Variants in CDH4 observed in about 807,000 individuals in gnomAD.
CDH4 encodes the protein cadherin 4.
Under a neutral mutation model 86.0 loss-of-function variants are expected in CDH4, and 33 were observed. The ratio of observed to expected loss-of-function variants is 0.38; its 90% CI spans 0.29 to 0.51. The LOEUF (loss-of-function observed/expected upper bound fraction) is 0.51. Ranked by LOEUF, CDH4 falls within the 20% of genes least tolerant of loss-of-function variation. The pLI is 0.86. For synonymous variants in CDH4, 555 were observed against 549.4 expected (o/e 1.01, Z -0.14); for missense variants, 1,114 against 1,307.4 (o/e 0.85, Z 2.28).
Position 61,554,489 on chromosome 20 carries a change from AG to A in CDH4, c.170-189073del, listed in dbSNP as rs1283226848. Among the ~76,000 whole-genome samples, 5 of 152,206 alleles carry A rather than the reference AG, an allele frequency of 3.3e-5. No homozygotes were observed. The East Asian group carries it at 9.6e-4, about 29-fold the overall frequency. ...CAAAGTCACATGTACATCAGAGTGC[AG>A]TGAGTGCTGGGAGAGCCATAAGGAG... is the stretch of plus-strand genomic sequence containing the variant. On this transcript the variant is annotated intron_variant, in intron 2 of 15. Transcript: ENST00000614565.
rs932278626 is a variant in CDH4 at position 61,863,783 on chromosome 20, C to T, written c.878-9945C>T. ...CCGGAGGTGAAGCGAGGGTGCAGAG[C>T]CATGAGGCTGGGATGGCTGCTCTAG... On this transcript the variant is annotated intron_variant, in intron 6 of 15. Transcript: ENST00000614565. Among the ~76,000 whole-genome samples the T allele has an allele frequency of 3.3e-5, 5 of 152,140 alleles. 1 individual carries two copies. The highest frequency in any genetic ancestry group is 3.3e-4 in the Admixed American group (5 of 15,276).
intron 4 of CDH4, among the ~76,000 whole-genome samples, chr20:61,834,597 C>T (rs182423037): frequency 1.6e-4 from 24 of 152,312 alleles, no homozygotes; most frequent in African/African-American, 4.1e-4. Context: ...GGTTTTCTGA[C>T]GAGACTCCTG....
intron 2 of CDH4, among the ~76,000 whole-genome samples, chr20:61,464,443 C>A (rs1477357060): frequency 2.0e-5 from 3 of 152,164 alleles, no homozygotes; most frequent in Non-Finnish European, 4.4e-5. Context: ...TGAGAAATGA[C>A]AGTCCAATGC....
At chr20:61,472,950 A>C (rs1463952947) in intron 2 of CDH4, among the ~76,000 whole-genome samples, 6 of 152,128 alleles carry the variant, frequency 3.9e-5, no homozygotes, top group Admixed American at 3.9e-4. Flanking sequence ...TTTCAATTAA[A>C]AACTGTTATA....
intron 2 of CDH4, among the ~76,000 whole-genome samples, chr20:61,648,935 A>C (rs2087092995): frequency 6.6e-6 from 1 of 152,096 alleles, no homozygotes; most frequent in Non-Finnish European, 1.5e-5. Flanking sequence ...AGGTGGCCCC[A>C]CCTCGCAGGT....
chr20:61,894,648 G>A (rs866953233), intron 7 of CDH4, among the ~76,000 whole-genome samples: 5 of 152,070 alleles, frequency 3.3e-5, no homozygotes, highest in African/African-American at 1.2e-4. Flanking sequence ...CCCTATCAAC[G>A]GCAGGGCCAC....
intron 2 of CDH4, among the ~76,000 whole-genome samples, chr20:61,669,108 T>C (rs1000019371): frequency 5.3e-5 from 8 of 152,334 alleles, no homozygotes; most frequent in African/African-American, 1.9e-4. Context: ...GGAACCCACG[T>C]TCTCCAGCAG....
intron 9 of CDH4, among the ~76,000 whole-genome samples, chr20:61,915,787 C>T (rs2054897865): frequency 6.6e-6 from 1 of 152,134 alleles, no homozygotes; most frequent in Non-Finnish European, 1.5e-5. Flanking sequence ...GTGGAGGAGA[C>T]GGGACTCTCC....
intron 4 of CDH4, among the ~76,000 whole-genome samples, chr20:61,806,808 C>G (rs933890161): frequency 6.6e-6 from 1 of 152,170 alleles, no homozygotes; most frequent in African/African-American, 2.4e-5. Flanking sequence ...CACATGTGCA[C>G]ACCGTCTCTG....
intron 2 of CDH4, among the ~76,000 whole-genome samples, chr20:61,529,256 T>C (rs530618459): frequency 2.6e-5 from 4 of 152,366 alleles, no homozygotes; most frequent in East Asian, 1.9e-4. Context: ...GTTCCTCATA[T>C]ATTTTATATT....
chr20:61,904,029 G>A (rs1003689606), intron 8 of CDH4, among the ~76,000 whole-genome samples: 5 of 152,224 alleles, frequency 3.3e-5, no homozygotes, highest in Admixed American at 2.0e-4. Context: ...TGCTTTGGAG[G>A]CATCTGAGTG....
intron 2 of CDH4, among the ~76,000 whole-genome samples, chr20:61,702,269 C>T (rs755471576): frequency 2.0e-5 from 3 of 152,158 alleles, no homozygotes; most frequent in Non-Finnish European, 4.4e-5. Flanking sequence ...CACACAAAGA[C>T]GGCAAAATAA....
intron 2 of CDH4, among the ~76,000 whole-genome samples, chr20:61,726,402 C>T (rs1218940183): frequency 1.3e-5 from 2 of 152,038 alleles, no homozygotes; most frequent in East Asian, 1.9e-4. Flanking sequence ...GACTACATTT[C>T]GGAAATCAGG....
intron 2 of CDH4, among the ~76,000 whole-genome samples, chr20:61,315,463 G>A (rs188722920): frequency 1.3e-5 from 2 of 152,278 alleles, no homozygotes; most frequent in East Asian, 3.9e-4. Context: ...ATTTTCAGCT[G>A]TGAAAGCCCA....
intron 2 of CDH4, among the ~76,000 whole-genome samples, chr20:61,549,687 A>T (rs1288187197): frequency 1.3e-5 from 2 of 152,306 alleles, no homozygotes; most frequent in East Asian, 3.9e-4. Flanking sequence ...CCGGGATGTT[A>T]TGTGCACCGC....
chr20:61,524,446 G>A (rs191086168), intron 2 of CDH4, among the ~76,000 whole-genome samples: 117 of 152,146 alleles, frequency 7.7e-4, no homozygotes, highest in Non-Finnish European at 1.5e-3. Flanking sequence ...AGGAGTACTC[G>A]GGACTCTCTG....
At chr20:61,441,628 T>C (rs1478253565) in intron 2 of CDH4, among the ~76,000 whole-genome samples, 5 of 152,170 alleles carry the variant, frequency 3.3e-5, no homozygotes, top group African/African-American at 1.2e-4. Context: ...AGAGCCTTTA[T>C]AAAAGGGACT....
chr20:61,579,285 ATTT>A (rs11483950), intron 2 of CDH4, among the ~76,000 whole-genome samples: 1,784 of 129,542 alleles, frequency 0.014, 27 homozygotes, highest in African/African-American at 0.04. Flanking sequence ...CTCGATGGAG[ATTT>A]TTTTTTTTTT....
At position 61,778,641 on chromosome 20, in the gene CDH4, G is replaced by A. The variant is rs556541890; in HGVS notation, c.576+5459G>A. Among the ~76,000 whole-genome samples, 5 of 152,232 alleles carry A rather than the reference G, an allele frequency of 3.3e-5. 1 individual carries two copies. The highest frequency in any genetic ancestry group is 1.2e-4 in the African/African-American group (5 of 41,536). ...ATCAGACCGCAGTCTAAAGTGAGTG[G>A]TGAGTGAGGAGGTGTACCCACACCG... On this transcript the variant is annotated intron_variant, in intron 4 of 15. Transcript: ENST00000614565.
Sources: gnomAD v4.1 joint callset for allele counts (sites outside exome capture counted in the v4.1 genomes callset) on GRCh38, gnomAD v4.1.1 for gene constraint, MANE v1.5 for transcripts, NCBI Gene and HGNC (gene_info 2026-07-23, HGNC 2026-07-21) for gene names.